The following STON2 variants were observed in gnomAD, a reference collection of about 807,000 sequenced individuals.
The protein encoded by STON2 is stonin 2.
A neutral mutation model predicts 65.7 loss-of-function variants in STON2; 29 were observed. That is an observed-to-expected ratio of 0.44 (90% CI 0.33 to 0.60). STON2 has a LOEUF of 0.60. Among genes scored for constraint, STON2 ranks in the 20% least tolerant of loss-of-function variants. The pLI, the probability that STON2 is intolerant of heterozygous loss-of-function variation, is 0.03. For synonymous variants in STON2, 404 were observed against 414.2 expected (o/e 0.98, Z 0.30); for missense variants, 1,054 against 1,118.1 (o/e 0.94, Z 0.82).
chr14:81,304,687 C>T (rs1271036627), intron 5 of STON2, among the ~76,000 whole-genome samples: 1 of 152,134 alleles, frequency 6.6e-6, no homozygotes, highest in African/African-American at 2.4e-5. Context: ...AAGATCGCGC[C>T]ACTGCACTCC....
rs546779856 is a variant in STON2 at position 81,365,160 on chromosome 14, C to A, written c.571+5828G>T. Among the ~76,000 whole-genome samples, 6 of 152,212 alleles carry A rather than the reference C, an allele frequency of 3.9e-5. No homozygotes were observed. In the South Asian group the frequency reaches 1.2e-3, roughly 32 times the overall value. On this transcript the variant is annotated intron_variant, in intron 4 of 7. Coordinates refer to ENST00000614646, the MANE Select transcript of STON2 (RefSeq NM_001394390.1). ...ACTGCATGCTTTTTGCAAGTGGTTG[C>A]TGTTGTCCTGTCCAGTCTCCCGCCA... is the stretch of plus-strand genomic sequence containing the variant.
chr14:81,269,163 G>T, intron 7 of STON2: 1 of 208,440 alleles, frequency 4.8e-6, no homozygotes, highest in Non-Finnish European at 8.4e-6. Context: ...GCACCACTGC[G>T]CCTGGCTAAT....
chr14:81,399,635 G>A (rs1213752612), intron 1 of STON2, among the ~76,000 whole-genome samples: 1 of 152,062 alleles, frequency 6.6e-6, no homozygotes, highest in African/African-American at 2.4e-5. Flanking sequence ...AACAACTAAT[G>A]TTTATATAGA....
chr14:81,375,728 T>C (rs1185684176), intron 3 of STON2, among the ~76,000 whole-genome samples: 2 of 151,834 alleles, frequency 1.3e-5, no homozygotes, highest in Non-Finnish European at 2.9e-5. Context: ...CGGTGAAGAA[T>C]GCATATTTTT....
intron 5 of STON2, among the ~76,000 whole-genome samples, chr14:81,306,167 C>CTCTCTCTCTCTATA (rs760274489): frequency 1.5e-5 from 2 of 132,306 alleles, no homozygotes; most frequent in African/African-American, 6.3e-5. Context: ...CTCTCTCTCT[C>CTCTCTCTCTCTATA]TATATATATA....
chr14:81,300,933 C>T (rs1895945363), intron 5 of STON2, among the ~76,000 whole-genome samples: 1 of 152,116 alleles, frequency 6.6e-6, no homozygotes, highest in South Asian at 2.1e-4. Flanking sequence ...CCCCAAATGC[C>T]TATCAATAGG....
chr14:81,412,122 A>G (rs1455779971), intron 2 of STON2, among the ~76,000 whole-genome samples: 2 of 140,190 alleles, frequency 1.4e-5, no homozygotes, highest in African/African-American at 5.9e-5. Context: ...TAGAACTACA[A>G]GGTCTTGTGA....
chr14:81,433,465 AG>A (rs1902294824), intron 1 of STON2, among the ~76,000 whole-genome samples: 1 of 152,156 alleles, frequency 6.6e-6, no homozygotes, highest in African/African-American at 2.4e-5. Flanking sequence ...CACCCGACCC[AG>A]GGTCCTTCAT....
In STON2 at chr14:81,432,180, C is replaced by G. The variant is rs184490498; in HGVS notation, c.-310+4141G>C. Among the ~76,000 whole-genome samples, 8 of 152,000 alleles carry G rather than the reference C, an allele frequency of 5.3e-5. No homozygotes were observed. The East Asian group carries it at 1.2e-3, about 22-fold the overall frequency. On this transcript the variant is annotated intron_variant, in intron 1 of 8. Transcript: ENST00000553821. ...GTGCCATGCTTACGAATGAGAAAAA[C>G]CATAGCAAAAAAAAAGACACTCTCA... is the stretch of plus-strand genomic sequence containing the variant.
chr14:81,307,042 C>T (rs183816462), intron 5 of STON2, among the ~76,000 whole-genome samples: 2 of 152,262 alleles, frequency 1.3e-5, no homozygotes, highest in Admixed American at 6.5e-5. Context: ...AGGTGCACAC[C>T]TATAGAAACT....
At position 81,398,468 on chromosome 14, in the gene STON2, G is replaced by A. The variant is rs765822743; in HGVS notation, c.-86C>T. The A allele has an allele frequency of 4.8e-5, 48 of 1,003,448 alleles. No individual in the cohort carries two copies. Among genetic ancestry groups the A allele is most frequent in the Non-Finnish European group, 7.3e-5 (47 of 639,546 alleles). The allele number at this position is 1,003,448 out of a possible 1,614,324, so 62.2% of individuals were successfully genotyped here. A position where few individuals can be genotyped will look rare whatever the true frequency, so the allele number is the denominator to read the frequency against. ...TGGGGTGGGCTGGAGTAGGGGTATG[G>A]TAGTACGGTAGACTTGGGTCCAGGG... On this transcript the variant is annotated 5_prime_UTR_variant, in exon 2 of 8. Coordinates refer to ENST00000614646, the MANE Select transcript of STON2 (RefSeq NM_001394390.1).
At chr14:81,395,190 T>G (rs1209445826) in intron 3 of STON2, 1 of 152,238 alleles carries the variant, frequency 6.6e-6, no homozygotes. Flanking sequence ...TAACAAATCC[T>G]ATTGGTGACT....
intron 4 of STON2, chr14:81,333,395 TA>T: frequency 4.7e-6 from 2 of 425,650 alleles, no homozygotes; most frequent in Non-Finnish European, 8.5e-6. Flanking sequence ...CCAGGGAGGC[TA>T]TTCTAAGAGC....
chr14:81,379,297 T>C (rs1020991120), intron 3 of STON2, among the ~76,000 whole-genome samples: 3 of 148,212 alleles, frequency 2.0e-5, no homozygotes, highest in African/African-American at 7.9e-5. Flanking sequence ...GTATGAAGCA[T>C]ATGTAGTATC....
upstream of STON2, among the ~76,000 whole-genome samples, chr14:81,404,327 G>T (rs1566945914): frequency 6.6e-6 from 1 of 152,120 alleles, no homozygotes; most frequent in Non-Finnish European, 1.5e-5. Flanking sequence ...AGACTTTAAA[G>T]AGTATAAAAA....
At chr14:81,417,811 T>C (rs1442849563) in intron 2 of STON2, among the ~76,000 whole-genome samples, 4 of 152,152 alleles carry the variant, frequency 2.6e-5, no homozygotes, top group East Asian at 1.9e-4. Context: ...GGAGCATGCC[T>C]ACATAAGGGA....
At chr14:81,429,740 C>G (rs541911696) in intron 1 of STON2, among the ~76,000 whole-genome samples, 8 of 152,168 alleles carry the variant, frequency 5.3e-5, no homozygotes, top group African/African-American at 1.7e-4. Context: ...TCGAGACCAG[C>G]CTGGCCAACA....
chr14:81,270,789 T>G lies in STON2; in HGVS notation c.2665A>C (p.Asn889His). 1 of 1,614,116 alleles carries G rather than the reference T, an allele frequency of 6.2e-7. No individual in the cohort carries two copies. Among genetic ancestry groups the G allele is most frequent in the South Asian group, 1.1e-5 (1 of 91,080 alleles). ...EVPSRFANHV[N>H]VEFSMPTTSA... ...GTTGTGGGCATGCTGAACTCGACAT[T>G]CACGTGATTGGCAAATCTGGAAGGC... is the stretch of plus-strand genomic sequence containing the variant. The change falls in exon 7 of 8, where the codon AAT (asparagine) becomes CAT (histidine). Residue 889 changes from asparagine to histidine, a missense_variant. Coordinates refer to ENST00000614646, the MANE Select transcript of STON2 (RefSeq NM_001394390.1).
intron 1 of STON2, among the ~76,000 whole-genome samples, chr14:81,428,671 T>C (rs746414526): frequency 6.6e-6 from 1 of 152,098 alleles, no homozygotes; most frequent in South Asian, 2.1e-4. Flanking sequence ...TGCAGTGAAC[T>C]GAGATCCTGC....
Sources: allele counts gnomAD v4.1 joint callset (sites outside exome capture counted in the v4.1 genomes callset), GRCh38; gene constraint gnomAD v4.1.1; transcripts MANE v1.5; gene names NCBI Gene and HGNC (gene_info 2026-07-23, HGNC 2026-07-21).